EIF2B2: variants seen among roughly 807,000 people sequenced by gnomAD.
EIF2B2 encodes the protein eukaryotic translation initiation factor 2B subunit beta, also known as translation initiation factor eIF2B subunit beta.
EIF2B2 carries 34 observed loss-of-function variants against 34.7 expected under a neutral mutation model. The ratio of observed to expected loss-of-function variants is 0.98; its 90% CI spans 0.75 to 1.31. EIF2B2 has a LOEUF of 1.31. Among genes scored for constraint, EIF2B2 ranks in the 50% most tolerant of loss-of-function variants. EIF2B2 has a pLI of 0.00. For synonymous variants in EIF2B2, 155 were observed against 171.6 expected (o/e 0.90, Z 0.76); for missense variants, 361 against 447.7 (o/e 0.81, Z 1.75).
chr14:75,007,064 C>A, intron 6 of EIF2B2: 1 of 481,904 alleles, frequency 2.1e-6, no homozygotes, highest in Non-Finnish European at 4.1e-6. Context: ...GTTGCAGGGC[C>A]TGTCCTTTGT....
intron 3 of EIF2B2, 48 bp from the exon 4 acceptor site, chr14:75,004,689 A>ATATATATATATATTT: frequency 6.8e-6 from 1 of 146,204 alleles, no homozygotes; most frequent in African/African-American, 7.2e-5. Flanking sequence ...ATATATATAT[A>ATATATATATATATTT]TTTTTTTTTT....
rs1889676278 is a variant in EIF2B2, at chr14:75,009,562, T to C, written c.*374T>C. On this transcript the variant is annotated 3_prime_UTR_variant, in exon 8 of 8. Transcript: ENST00000266126. ...AATGGCTATGACACTTTTTCTAGGC[T>C]CTACCAATAAAAGCCACTTGAAGGT... The C allele has an allele frequency of 3.2e-6, 1 of 310,122 alleles. No homozygotes were observed. The highest frequency in any genetic ancestry group is 2.2e-5 in the African/African-American group (1 of 46,172). 19.2% of individuals were successfully genotyped at this position (310,122 alleles called of 1,614,324 possible).
chr14:75,003,823 C>T (rs1889580090), intron 3 of EIF2B2, 124 bp downstream of exon 3: 1 of 1,415,938 alleles, frequency 7.1e-7, no homozygotes, highest in African/African-American at 1.4e-5. Flanking sequence ...AGAGGTTTGT[C>T]CTCCTTCCTG....
At chr14:75,004,967 G>A in intron 4 of EIF2B2, 67 bp downstream of exon 4, 3 of 1,542,854 alleles carry the variant, frequency 1.9e-6, no homozygotes, top group Non-Finnish European at 2.7e-6. Flanking sequence ...CGAGAGATGG[G>A]TAGGGCCATT....
chr14:75,004,687 ATATTTTTTTTTTT>A (rs1213740413), intron 3 of EIF2B2, 37 bp from the exon 4 acceptor site: 19 of 107,664 alleles, frequency 1.8e-4, no homozygotes, highest in Non-Finnish European at 2.4e-4. Flanking sequence ...ATATATATAT[ATATTTTTTTTTTT>A]TTTTTTTTTT....
At position 75,003,342 on chromosome 14, in the gene EIF2B2, C is replaced by T. The variant is rs771686725; in HGVS notation, c.231C>T (p.Thr77=). 44 of 1,613,924 alleles carry T rather than the reference C, an allele frequency of 2.7e-5. 1 individual carries two copies. Among genetic ancestry groups the T allele is most frequent in the South Asian group, 2.5e-4 (23 of 91,066 alleles). Reference sequence around the variant, plus strand: ...CGGCCGCTCAGCCCTCCGAGACCACCGTGGGCAACATGGTGCGGAGAGTGC... The same window carrying T: ...CGGCCGCTCAGCCCTCCGAGACCACTGTGGGCAACATGGTGCGGAGAGTGC... ...RMTAAQPSET[T]VGNMVRRVLK... The change falls in exon 2 of 8, where the codon ACC becomes ACT. Residue 77 remains threonine, a synonymous_variant. Transcript: ENST00000266126.
chr14:75,003,227 G>C (rs771410713), intron 1 of EIF2B2, 48 bp from the exon 2 acceptor site: 1 of 1,613,168 alleles, frequency 6.2e-7, no homozygotes, highest in Non-Finnish European at 8.5e-7. Context: ...AATTTCCCAG[G>C]CCTCACTTCG....
In EIF2B2 at chr14:75,003,546, T is replaced by A. The variant is rs1448449937; in HGVS notation, c.285-5T>A. On this transcript the variant is annotated splice_region_variant and splice_polypyrimidine_tract_variant and intron_variant, in intron 2 of 7. Transcript: ENST00000266126. The stretch of plus-strand genomic sequence containing the variant: ...CTCTCTCTTTGGGTCTTGTTGCCTC[T>A]ATAGACTCCATGGACGCAGCGACGA... 3.7e-6 allele frequency: 6 copies of A among 1,614,026 alleles called. No homozygotes were observed. Among genetic ancestry groups the A allele is most frequent in the African/African-American group, 1.3e-5 (1 of 74,914 alleles).
Position 75,009,785 on chromosome 14 carries a change from T to TTTGAGGC in EIF2B2, c.*598_*604dup, listed in dbSNP as rs922572610. 4.8e-4 allele frequency: 75 copies of TTTGAGGC among 156,350 alleles called. 1 individual carries two copies. The highest frequency in any genetic ancestry group is 4.6e-3 in the South Asian group (24 of 5,162). 9.7% of individuals were successfully genotyped at this position (156,350 alleles called of 1,614,324 possible). On this transcript the variant is annotated 3_prime_UTR_variant, in exon 8 of 8. Transcript: ENST00000266126. The stretch of plus-strand genomic sequence containing the variant: ...AGGTGGGAGGCTTGTTTGAGGCTTG[T>TTTGAGGC]TTGAGGCCTGGAGTTTGAGATTAGC...
Position 75,002,935 on chromosome 14 carries a change from T to C in EIF2B2, c.-56T>C, listed in dbSNP as rs201368910. The C allele has an allele frequency of 8.1e-5, 130 of 1,611,902 alleles. No individual in the cohort carries two copies. The highest frequency in any genetic ancestry group is 1.0e-4 in the Non-Finnish European group (120 of 1,179,454). On this transcript the variant is annotated 5_prime_UTR_variant, in exon 1 of 8. Coordinates refer to ENST00000266126, the MANE Select transcript of EIF2B2 (RefSeq NM_014239.4). ...TCGCCCGCCCCGGAAGTGCAAACTG[T>C]GTGGTCTGGCAGGTGTGGATTCCGC...
rs937316204 is a variant in EIF2B2 at position 75,012,236 on chromosome 14, G to T, written c.*3048G>T. On this transcript the variant is annotated 3_prime_UTR_variant, in exon 8 of 8. Coordinates refer to ENST00000266126, the MANE Select transcript of EIF2B2 (RefSeq NM_014239.4). ...CCCACCTCCCACCCCTGCCTTGCTG[G>T]CGGAACCGAGAAACTCGGAAAAAAA... 1 of 151,986 alleles carries T rather than the reference G, an allele frequency of 6.6e-6. No homozygotes were observed. The highest frequency in any genetic ancestry group is 1.5e-5 in the Non-Finnish European group (1 of 68,024). The allele number at this position is 151,986 out of a possible 1,614,324, so 9.4% of individuals were successfully genotyped here.
intron 4 of EIF2B2, chr14:75,005,182 G>T: frequency 2.7e-6 from 1 of 372,572 alleles, no homozygotes. Flanking sequence ...TTCGAGAGCA[G>T]CCTGGCCAAC....
chr14:75,003,038 G>C lies in EIF2B2; in HGVS notation c.48G>C (p.Glu16Asp). The C allele has an allele frequency of 6.2e-7, 1 of 1,614,136 alleles. No individual in the cohort carries two copies. The highest frequency in any genetic ancestry group is 8.5e-7 in the Non-Finnish European group (1 of 1,180,026). Residue 16 changes from glutamate (E) to aspartate (D), a missense_variant, in exon 1 of 8, where the codon GAG becomes GAC. Physicochemically the swap from Glu to Asp is conservative, Grantham distance 45 (BLOSUM62 2). Coordinates refer to ENST00000266126, the MANE Select transcript of EIF2B2 (RefSeq NM_014239.4). ...AKGSELSERIESFVETLKRGG... is the reference protein window; with the variant it reads ...AKGSELSERIDSFVETLKRGG... ...GCTCGGAGTTGTCAGAGAGGATCGA[G>C]AGCTTCGTGGAGACCCTGAAGCGGG...
chr14:75,003,122 GATC>G lies in EIF2B2; in HGVS notation c.137_139del (p.Ile46del). 1 of 1,613,548 alleles carries G rather than the reference GATC, an allele frequency of 6.2e-7. No individual in the cohort carries two copies. The highest frequency in any genetic ancestry group is 2.2e-5 in the East Asian group (1 of 44,866). On this transcript the variant is annotated inframe_deletion, in exon 1 of 8. Transcript: ENST00000266126. ...GGGAGACCCTAGGGTTGCTGCGCCA[GATC>G]ATCACGGACCACCGCTGGAGCAACG... is the stretch of plus-strand genomic sequence containing the variant.
chr14:75,003,965 T>G (rs1025453830), intron 3 of EIF2B2, among the ~76,000 whole-genome samples: 1 of 152,184 alleles, frequency 6.6e-6, no homozygotes, highest in Admixed American at 6.5e-5. Flanking sequence ...ATTTTCATTG[T>G]AAAGAAACAA....
At position 75,011,894 on chromosome 14, in the gene EIF2B2, A is replaced by C. The variant is rs1339267314; in HGVS notation, c.*2706A>C. 6.6e-6 allele frequency: 1 copy of C among 152,202 alleles called. No homozygotes were observed. The highest frequency in any genetic ancestry group is 2.4e-5 in the African/African-American group (1 of 41,440). 9.4% of individuals were successfully genotyped at this position (152,202 alleles called of 1,614,324 possible). A position where few individuals can be genotyped will look rare whatever the true frequency, so the allele number is the denominator to read the frequency against. On this transcript the variant is annotated 3_prime_UTR_variant, in exon 8 of 8. Coordinates refer to ENST00000266126, the MANE Select transcript of EIF2B2 (RefSeq NM_014239.4). ...GCTTTATGATACTTGTCCTTTGTCC[A>C]TCTTAGTCTCTGTGTCTAAAATTAG... is the stretch of plus-strand genomic sequence containing the variant.
At chr14:75,004,316 G>A (rs889374373) in intron 3 of EIF2B2, among the ~76,000 whole-genome samples, 1 of 152,166 alleles carries the variant, frequency 6.6e-6, no homozygotes, top group African/African-American at 2.4e-5. Context: ...AAGGAGCTCT[G>A]TAGTGACAGA....
In EIF2B2 at chr14:75,010,244, C is replaced by G. The variant is rs2139259041; in HGVS notation, c.*1056C>G. The G allele has an allele frequency of 6.6e-6, 1 of 152,284 alleles. No homozygotes were observed. Among genetic ancestry groups the G allele is most frequent in the South Asian group, 2.1e-4 (1 of 4,826 alleles). The allele number at this position is 152,284 out of a possible 1,614,324, so 9.4% of individuals were successfully genotyped here. On this transcript the variant is annotated 3_prime_UTR_variant, in exon 8 of 8. Transcript: ENST00000266126. ...TTAAAGCTTCCCAGAAAAGGATAGT[C>G]TCATGTAGTGTTTATAGGACTATAA...
At position 75,003,032 on chromosome 14, in the gene EIF2B2, G is replaced by A; in HGVS notation, c.42G>A (p.Arg14=). Residue 14 remains arginine, a synonymous_variant, in exon 1 of 8, where the codon AGG becomes AGA. Transcript: ENST00000266126. ...SAAKGSELSE[R]IESFVETLKR... ...CGAAGGGCTCGGAGTTGTCAGAGAG[G>A]ATCGAGAGCTTCGTGGAGACCCTGA... 1 of 1,614,166 alleles carries A rather than the reference G, an allele frequency of 6.2e-7. No individual in the cohort carries two copies.
Sources: allele counts gnomAD v4.1 joint callset (sites outside exome capture counted in the v4.1 genomes callset), GRCh38; gene constraint gnomAD v4.1.1; transcripts MANE v1.5; gene names NCBI Gene and HGNC (gene_info 2026-07-23, HGNC 2026-07-21).